DHCR24: variants seen among roughly 807,000 people sequenced by gnomAD.
DHCR24 encodes the protein 24-dehydrocholesterol reductase, also known as delta(24)-sterol reductase.
Under a neutral mutation model 61.2 loss-of-function variants are expected in DHCR24, and 28 were observed. The ratio of observed to expected loss-of-function variants is 0.46; its 90% CI spans 0.34 to 0.63. The LOEUF (loss-of-function observed/expected upper bound fraction) is 0.63. Among genes scored for constraint, DHCR24 ranks in the 20% least tolerant of loss-of-function variants. The pLI, the probability that DHCR24 is intolerant of heterozygous loss-of-function variation, is 0.01. For missense variants in DHCR24, 538 were observed against 679.1 expected (o/e 0.79, Z 2.31); for synonymous variants, 261 against 275.9 (o/e 0.95, Z 0.54).
intron 3 of DHCR24, among the ~76,000 whole-genome samples, chr1:54,875,651 T>C (rs1341717637): frequency 6.6e-6 from 1 of 152,068 alleles, no homozygotes; most frequent in Non-Finnish European, 1.5e-5. Context: ...GAAGAGAGAC[T>C]ATACTTATTC....
At chr1:54,853,347 G>A in intron 8 of DHCR24, 87 bp downstream of exon 8, 1 of 1,554,216 alleles carries the variant, frequency 6.4e-7, no homozygotes, top group South Asian at 1.2e-5. Flanking sequence ...GGGGCTCCTG[G>A]TTCTCCATAG....
chr1:54,880,373 G>A (rs1201582180), intron 2 of DHCR24, among the ~76,000 whole-genome samples: 1 of 152,188 alleles, frequency 6.6e-6, no homozygotes, highest in Admixed American at 6.5e-5. Context: ...CAGGCCCAGA[G>A]AGCTTCACTT....
chr1:54,886,265 G>A (rs1443511027), intron 1 of DHCR24, among the ~76,000 whole-genome samples: 1 of 152,176 alleles, frequency 6.6e-6, no homozygotes, highest in Non-Finnish European at 1.5e-5. Flanking sequence ...GTCAAGGAGT[G>A]AGCCCTCCGT....
rs138749047 is a variant in DHCR24, at chr1:54,881,452, ACAGT to A, written c.387+2162_387+2165del. Among the ~76,000 whole-genome samples the A allele has an allele frequency of 4.6e-3, 697 of 152,318 alleles. 9 individuals carry two copies. Among genetic ancestry groups the A allele is most frequent in the African/African-American group, 0.016 (658 of 41,556 alleles). On this transcript the variant is annotated intron_variant, in intron 2 of 8. Transcript: ENST00000371269. Reference sequence around the variant, plus strand: ...AAACCACAATGAAATACCATCTGACACAGTCAGAATGGCTATTATTAAAAAGTCA... The same window carrying A: ...AAACCACAATGAAATACCATCTGACACAGAATGGCTATTATTAAAAAGTCA...
intron 6 of DHCR24, among the ~76,000 whole-genome samples, chr1:54,856,597 G>A (rs1570180949): frequency 6.6e-6 from 1 of 150,760 alleles, no homozygotes; most frequent in Non-Finnish European, 1.5e-5. Context: ...GGGAGACTCC[G>A]TCTCAAAAAA....
In DHCR24 at chr1:54,865,398, C is replaced by A; in HGVS notation, c.925G>T (p.Glu309Ter). Residue 309 changes from glutamate to a stop codon, truncating the protein, a stop_gained, in exon 6 of 9, where the codon GAG becomes TAG. Coordinates refer to ENST00000371269, the MANE Select transcript of DHCR24 (RefSeq NM_014762.4). LOFTEE classifies it high-confidence loss of function. Reference sequence around the variant, plus strand: ...TCTCGGTTTGTCTTCAGATAGTTCTCCACATGCTTAAAGAACCACGGCTTG... The same window carrying A: ...TCTCGGTTTGTCTTCAGATAGTTCTACACATGCTTAAAGAACCACGGCTTG... Reference protein sequence around the residue: ...YYKPWFFKHVENYLKTNREGL... With the variant: ...YYKPWFFKHV 1 of 1,614,178 alleles carries A rather than the reference C, an allele frequency of 6.2e-7. No homozygotes were observed.
At chr1:54,854,361 CTTTG>C in intron 6 of DHCR24, 127 bp from the exon 7 acceptor site, 1 of 758,378 alleles carries the variant, frequency 1.3e-6, no homozygotes, top group African/African-American at 1.7e-5. Flanking sequence ...CAATTCCCCT[CTTTG>C]GAGGGGGTGT....
rs1646865572 is a variant in DHCR24 at position 54,849,956 on chromosome 1, C to T, written c.*2277G>A. 1 of 152,516 alleles carries T rather than the reference C, an allele frequency of 6.6e-6. No individual in the cohort carries two copies. Among genetic ancestry groups the T allele is most frequent in the Admixed American group, 6.5e-5 (1 of 15,284 alleles). 9.4% of individuals were successfully genotyped at this position (152,516 alleles called of 1,614,324 possible). ...GGGAGAGCCTTACTCTGATACTTTCCACATGCACTGCCCACTGGCATCAAG... is the reference window on the plus strand; with the variant it reads ...GGGAGAGCCTTACTCTGATACTTTCTACATGCACTGCCCACTGGCATCAAG... On this transcript the variant is annotated 3_prime_UTR_variant, in exon 9 of 9. Coordinates refer to ENST00000371269, the MANE Select transcript of DHCR24 (RefSeq NM_014762.4).
Position 54,852,155 on chromosome 1 carries a change from T to C in DHCR24, c.*78A>G. On this transcript the variant is annotated 3_prime_UTR_variant, in exon 9 of 9. Transcript: ENST00000371269. ...GGGTTTCTCTTTGAAAGTGTGGATC[T>C]AGGAAAGCAGCCAAGCTTGAGTGAA... The C allele has an allele frequency of 1.3e-6, 2 of 1,581,930 alleles. No homozygotes were observed. The highest frequency in any genetic ancestry group is 1.7e-5 in the Admixed American group (1 of 59,534).
intron 2 of DHCR24, among the ~76,000 whole-genome samples, chr1:54,876,805 A>G (rs752363165): frequency 5.3e-5 from 8 of 151,812 alleles, no homozygotes; most frequent in Non-Finnish European, 1.2e-4. Flanking sequence ...TTAATCCAGA[A>G]AGTTTATTTT....
At chr1:54,878,284 C>A (rs144212524) in intron 2 of DHCR24, among the ~76,000 whole-genome samples, 1 of 151,054 alleles carries the variant, frequency 6.6e-6, no homozygotes, top group Admixed American at 6.6e-5. Context: ...GGCAGGTGGA[C>A]CACCTGAGGT....
intron 2 of DHCR24, among the ~76,000 whole-genome samples, chr1:54,878,130 G>C (rs543650180): frequency 1.3e-5 from 2 of 152,128 alleles, no homozygotes; most frequent in African/African-American, 4.8e-5. Flanking sequence ...GCGTCCTTGG[G>C]AATTCAACTG....
Position 54,876,039 on chromosome 1 carries a change from A to G in DHCR24, c.396T>C (p.Arg132=). ...GGCCCATGGTCACCAAGGGCTCCAC[A>G]CGGACAATCTGTTGACACAAGAAAA... The part of the protein sequence containing the change: ...LEVDTKKQIV[R]VEPLVTMGQV... Residue 132 remains arginine (R), a synonymous_variant, in exon 3 of 9, where the codon CGT becomes CGC. Coordinates refer to ENST00000371269, the MANE Select transcript of DHCR24 (RefSeq NM_014762.4). 1 of 1,613,816 alleles carries G rather than the reference A, an allele frequency of 6.2e-7. No homozygotes were observed. The highest frequency in any genetic ancestry group is 8.5e-7 in the Non-Finnish European group (1 of 1,179,744).
intron 6 of DHCR24, among the ~76,000 whole-genome samples, chr1:54,858,662 A>C (rs572344750): frequency 6.6e-6 from 1 of 152,138 alleles, no homozygotes; most frequent in Non-Finnish European, 1.5e-5. Context: ...TTTGAGATGG[A>C]GTTTCACTCT....
intron 6 of DHCR24, among the ~76,000 whole-genome samples, chr1:54,863,483 C>T (rs1029067060): frequency 3.3e-5 from 5 of 152,290 alleles, no homozygotes; most frequent in East Asian, 3.9e-4. Context: ...ATGCTGGCTC[C>T]GAAGGCTTCT....
chr1:54,868,235 C>A (rs918840758), intron 5 of DHCR24, among the ~76,000 whole-genome samples: 3 of 152,172 alleles, frequency 2.0e-5, no homozygotes, highest in Non-Finnish European at 4.4e-5. Flanking sequence ...CTTTGGGAGG[C>A]CGAGGTGGGT....
chr1:54,886,922 C>A lies in DHCR24; in HGVS notation c.198G>T (p.Leu66=). Reference sequence around the variant, plus strand: ...GGATGTCCCGCACGCGCTGCTCGTGCAGGCGCGGAGCGCTGCTGAGCTTGA... The same window carrying A: ...GGATGTCCCGCACGCGCTGCTCGTGAAGGCGCGGAGCGCTGCTGAGCTTGA... ...VVFKLSSAPR[L]HEQRVRDIQK... The change falls in exon 1 of 9, where the codon CTG becomes CTT. Residue 66 remains leucine, a synonymous_variant. Transcript: ENST00000371269. The A allele has an allele frequency of 1.2e-6, 2 of 1,613,374 alleles. No individual in the cohort carries two copies. Among genetic ancestry groups the A allele is most frequent in the South Asian group, 1.1e-5 (1 of 91,024 alleles).
chr1:54,849,931 G>A lies in DHCR24; in HGVS notation c.*2302C>T, dbSNP rs536430638. On this transcript the variant is annotated 3_prime_UTR_variant, in exon 9 of 9. Transcript: ENST00000371269. ...AGCCAAGAAACTCAGGGCTCTGGAG[G>A]GGAGAGCCTTACTCTGATACTTTCC... 9 of 152,716 alleles carry A rather than the reference G, an allele frequency of 5.9e-5. No homozygotes were observed. Among genetic ancestry groups the A allele is most frequent in the African/African-American group, 1.9e-4 (8 of 41,562 alleles). 9.5% of individuals were successfully genotyped at this position (152,716 alleles called of 1,614,324 possible).
intron 8 of DHCR24, 34 bp downstream of exon 8, chr1:54,853,400 C>G: frequency 1.2e-6 from 2 of 1,613,802 alleles, no homozygotes; most frequent in Non-Finnish European, 1.7e-6. Context: ...GGGCTGTCAG[C>G]TAGAGGCAAC....
Sources: gnomAD v4.1 joint callset for allele counts (sites outside exome capture counted in the v4.1 genomes callset) on GRCh38, gnomAD v4.1.1 for gene constraint, MANE v1.5 for transcripts, NCBI Gene and HGNC (gene_info 2026-07-23, HGNC 2026-07-21) for gene names.